Variants in LARGE1 observed in about 807,000 individuals in gnomAD.
LARGE1 encodes the protein xylosyl- and glucuronyltransferase LARGE1.
Under a neutral mutation model 87.6 loss-of-function variants are expected in LARGE1, and 43 were observed. The observed-to-expected ratio is 0.49, with a 90% confidence interval of 0.38 to 0.63. The LOEUF is 0.63. LARGE1 is among the 30% of genes least tolerant of loss of function. LARGE1 has a pLI of 0.00. For synonymous variants in LARGE1, 434 were observed against 394.6 expected (o/e 1.10, Z -1.18); for missense variants, 802 against 1,000.2 (o/e 0.80, Z 2.67).
intron 9 of LARGE1, among the ~76,000 whole-genome samples, chr22:33,372,886 A>G (rs984030298): frequency 6.6e-6 from 1 of 152,244 alleles, no homozygotes; most frequent in Non-Finnish European, 1.5e-5. Context: ...GACAGACAGG[A>G]ATCCATAAGT....
intron 6 of LARGE1, among the ~76,000 whole-genome samples, chr22:33,492,230 GC>G (rs2069882247): frequency 1.3e-5 from 2 of 152,296 alleles, no homozygotes; most frequent in Admixed American, 6.5e-5. Context: ...CCCAGATTAA[GC>G]CCCTATAGCT....
At chr22:33,625,700 T>C (rs1455726144) in intron 4 of LARGE1, among the ~76,000 whole-genome samples, 2 of 152,230 alleles carry the variant, frequency 1.3e-5, no homozygotes, top group African/African-American at 4.8e-5. Flanking sequence ...TCCTTCTCAA[T>C]GTATGTTCAC....
intron 2 of LARGE1, chr22:33,732,736 G>A (rs1234712507): frequency 2.6e-5 from 4 of 152,174 alleles, no homozygotes; most frequent in Non-Finnish European, 5.9e-5. Context: ...GAAGCCCCCT[G>A]GAATCTCTGC....
the LARGE1 span, among the ~76,000 whole-genome samples, chr22:33,151,499 C>T: frequency 2.5e-4 from 38 of 152,298 alleles, 1 homozygote; most frequent in South Asian, 4.6e-3. Flanking sequence ...CAGTGAAAGA[C>T]ATCCTTACCT....
chr22:33,742,603 G>A (rs990965539), intron 2 of LARGE1, among the ~76,000 whole-genome samples: 1 of 152,128 alleles, frequency 6.6e-6, no homozygotes, highest in African/African-American at 2.4e-5. Context: ...CAGGTCTTCT[G>A]GTGCAAGAAC....
At chr22:33,575,048 T>C (rs2078312631) in intron 5 of LARGE1, among the ~76,000 whole-genome samples, 2 of 152,112 alleles carry the variant, frequency 1.3e-5, no homozygotes, top group South Asian at 2.1e-4. Context: ...CAGGATCCTA[T>C]TGAGAGGTTA....
At chr22:33,837,145 T>A (rs1205163677) in intron 1 of LARGE1, among the ~76,000 whole-genome samples, 1 of 152,046 alleles carries the variant, frequency 6.6e-6, no homozygotes, top group Non-Finnish European at 1.5e-5. Context: ...ATGATTGTGA[T>A]TGAAATGCCA....
At chr22:33,218,463 T>C (rs931395885) in intron 11 of LARGE1, among the ~76,000 whole-genome samples, 40 of 152,310 alleles carry the variant, frequency 2.6e-4, no homozygotes, top group Non-Finnish European at 5.3e-4. Context: ...TTCTTTGAAG[T>C]CTTCCCTGAT....
At chr22:33,311,222 A>C (rs1935555419) in intron 11 of LARGE1, among the ~76,000 whole-genome samples, 1 of 152,072 alleles carries the variant, frequency 6.6e-6, no homozygotes. Flanking sequence ...AGCCTCCCAA[A>C]GTGCTGGGAT....
At chr22:33,337,200 C>T (rs1294793619) in intron 10 of LARGE1, among the ~76,000 whole-genome samples, 1 of 152,164 alleles carries the variant, frequency 6.6e-6, no homozygotes, top group African/African-American at 2.4e-5. Context: ...CTACCTAACA[C>T]TGTCTTCACC....
chr22:33,632,208 C>T (rs1009032922), intron 3 of LARGE1, among the ~76,000 whole-genome samples: 1 of 152,164 alleles, frequency 6.6e-6, no homozygotes, highest in Non-Finnish European at 1.5e-5. Flanking sequence ...CTCCAACCTC[C>T]GTGTCCCAGG....
intron 6 of LARGE1, among the ~76,000 whole-genome samples, chr22:33,517,378 C>T (rs1255737122): frequency 6.6e-6 from 1 of 152,136 alleles, no homozygotes; most frequent in African/African-American, 2.4e-5. Flanking sequence ...AGTAGAGCTA[C>T]AAAAACATAC....
chr22:33,457,293 C>CTTTTTTTTTTT (rs759460321), intron 6 of LARGE1, among the ~76,000 whole-genome samples: 12 of 74,930 alleles, frequency 1.6e-4, no homozygotes, highest in African/African-American at 2.2e-4. Context: ...ACGCCTGGCT[C>CTTTTTTTTTTT]TTTTTTTTTT....
At chr22:33,582,036 A>G (rs1174613451) in intron 5 of LARGE1, among the ~76,000 whole-genome samples, 1 of 152,108 alleles carries the variant, frequency 6.6e-6, no homozygotes, top group East Asian at 1.9e-4. Flanking sequence ...GCGTGGGGTC[A>G]CCCCAATTGT....
chr22:33,171,887 C>A (rs1441686861), intron 11 of LARGE1, among the ~76,000 whole-genome samples: 1 of 152,174 alleles, frequency 6.6e-6, no homozygotes, highest in African/African-American at 2.4e-5. Flanking sequence ...CCATTGTCCT[C>A]CAGACCCCAG....
At chr22:33,622,093 G>A (rs561798867) in intron 4 of LARGE1, among the ~76,000 whole-genome samples, 1 of 152,308 alleles carries the variant, frequency 6.6e-6, no homozygotes, top group South Asian at 2.1e-4. Context: ...CACCCCCACT[G>A]GAGGTTGTTA....
intron 1 of LARGE1, among the ~76,000 whole-genome samples, chr22:33,776,963 C>A (rs890112326): frequency 6.6e-6 from 1 of 152,110 alleles, no homozygotes. Context: ...AGCACATGGG[C>A]CCCTGCTCTT....
At chr22:33,739,403 C>G (rs112466332) in intron 2 of LARGE1, among the ~76,000 whole-genome samples, 247 of 152,338 alleles carry the variant, frequency 1.6e-3, no homozygotes, top group African/African-American at 5.6e-3. Flanking sequence ...CATACTTCTC[C>G]AAGGGCTGAA....
At chr22:33,798,335 T>C (rs1226159963) in intron 1 of LARGE1, among the ~76,000 whole-genome samples, 11 of 152,002 alleles carry the variant, frequency 7.2e-5, no homozygotes, top group Non-Finnish European at 1.2e-4. Context: ...TACCTAGATA[T>C]TAAAGTACCT....
Sources: gnomAD v4.1 joint callset for allele counts (sites outside exome capture counted in the v4.1 genomes callset) on GRCh38, gnomAD v4.1.1 for gene constraint, MANE v1.5 for transcripts, NCBI Gene and HGNC (gene_info 2026-07-23, HGNC 2026-07-21) for gene names.